Variants in SGCD observed in about 807,000 individuals in gnomAD.
SGCD encodes the protein sarcoglycan delta, also known as delta-sarcoglycan.
SGCD carries 18 observed loss-of-function variants against 36.6 expected under a neutral mutation model. The ratio of observed to expected loss-of-function variants is 0.49; its 90% CI spans 0.34 to 0.73. The LOEUF is 0.73. Among genes scored for constraint, SGCD ranks in the 30% least tolerant of loss-of-function variants. The probability of loss-of-function intolerance (pLI) is 0.01; values close to 1 mark genes in which losing one functional copy is unlikely to be tolerated. For missense variants in SGCD, 387 were observed against 346.7 expected, an observed-to-expected ratio of 1.12 and a Z score of -0.92; for synonymous variants, 133 against 130.6, an observed-to-expected ratio of 1.02 and a Z score of -0.12.
At chr5:156,147,494 A>T (rs77413324) in intron 3 of SGCD, among the ~76,000 whole-genome samples, 5,444 of 152,270 alleles carry the variant, frequency 0.036, 347 homozygotes, top group African/African-American at 0.12. Context: ...CAATAACCAC[A>T]TTTTTAAATT....
At chr5:156,661,519 CT>C (rs1561843588) in intron 7 of SGCD, among the ~76,000 whole-genome samples, 1 of 136,002 alleles carries the variant, frequency 7.4e-6, no homozygotes, top group Non-Finnish European at 1.5e-5. Context: ...GCAACCAACT[CT>C]GCTCTTTGAG....
At chr5:156,737,630 T>G (rs565438560) in intron 7 of SGCD, among the ~76,000 whole-genome samples, 13 of 152,246 alleles carry the variant, frequency 8.5e-5, no homozygotes, top group East Asian at 1.9e-4. Context: ...GGACACAGAA[T>G]ACTCTTGAGG....
In SGCD at chr5:156,611,191, C is replaced by T. The variant is rs375688202; in HGVS notation, c.502+16140C>T. On this transcript the variant is annotated intron_variant, in intron 6 of 8. Transcript: ENST00000337851. ...ATTCAGCCATCTTGGCTCCTCCCCTCGATTATGAATTTACTTCTACAGTGA... is the reference window on the plus strand; with the variant it reads ...ATTCAGCCATCTTGGCTCCTCCCCTTGATTATGAATTTACTTCTACAGTGA... Among the ~76,000 whole-genome samples the T allele has an allele frequency of 2.6e-4, 39 of 152,296 alleles. No homozygotes were observed. In the South Asian group the frequency reaches 4.8e-3, roughly 19 times the overall value.
At chr5:156,100,036 G>C (rs1187060025) in intron 1 of SGCD, among the ~76,000 whole-genome samples, 1 of 151,704 alleles carries the variant, frequency 6.6e-6, no homozygotes, top group Non-Finnish European at 1.5e-5. Flanking sequence ...TCTTCCACTT[G>C]TGTCTAATTT....
chr5:155,771,329 T>C, the SGCD span, among the ~76,000 whole-genome samples: 1 of 152,070 alleles, frequency 6.6e-6, no homozygotes, highest in Admixed American at 6.6e-5. Flanking sequence ...GCTCACTCCA[T>C]GCTCAAACTC....
intron 6 of SGCD, among the ~76,000 whole-genome samples, chr5:156,643,032 T>G (rs576010692): frequency 8.4e-4 from 52 of 62,170 alleles, no homozygotes; most frequent in East Asian, 7.3e-3. Context: ...TTGTTTTTTT[T>G]TTTGTTTGTT....
At chr5:156,186,078 T>A (rs1763752583) in intron 3 of SGCD, among the ~76,000 whole-genome samples, 1 of 149,300 alleles carries the variant, frequency 6.7e-6, no homozygotes. Context: ...AAGACTTTCC[T>A]GGCAAAAAAA....
At chr5:156,516,449 T>C (rs1232866394) in intron 4 of SGCD, among the ~76,000 whole-genome samples, 1 of 151,962 alleles carries the variant, frequency 6.6e-6, no homozygotes. Context: ...GCCTGACTGT[T>C]AAAAGTGAAC....
intron 3 of SGCD, among the ~76,000 whole-genome samples, chr5:156,204,580 G>A (rs1000419525): frequency 2.6e-5 from 4 of 151,946 alleles, no homozygotes; most frequent in East Asian, 3.8e-4. Flanking sequence ...AGGCATATAC[G>A]TGTCAGCGTA....
chr5:155,999,382 C>T (rs1758618728), intron 1 of SGCD, among the ~76,000 whole-genome samples: 1 of 152,198 alleles, frequency 6.6e-6, no homozygotes, highest in Non-Finnish European at 1.5e-5. Context: ...GCCCCTCACC[C>T]CACAGGGACT....
intron 3 of SGCD, among the ~76,000 whole-genome samples, chr5:156,354,494 C>T (rs1267133107): frequency 6.6e-6 from 1 of 152,192 alleles, no homozygotes; most frequent in Non-Finnish European, 1.5e-5. Context: ...AAAGAAATTA[C>T]TGTGCAACTT....
intron 7 of SGCD, among the ~76,000 whole-genome samples, chr5:156,744,302 C>CT (rs1756841220): frequency 6.6e-6 from 1 of 152,234 alleles, no homozygotes; most frequent in Non-Finnish European, 1.5e-5. Flanking sequence ...CTGCCATACT[C>CT]TTTTTGTGCT....
chr5:156,426,496 A>G (rs1026095543), intron 3 of SGCD, among the ~76,000 whole-genome samples: 16 of 151,924 alleles, frequency 1.1e-4, no homozygotes, highest in African/African-American at 3.1e-4. Context: ...GTTTGCAGAT[A>G]TTTTCTCCCA....
intron 3 of SGCD, among the ~76,000 whole-genome samples, chr5:156,148,083 G>A (rs1201553017): frequency 1.3e-5 from 2 of 152,176 alleles, no homozygotes; most frequent in Non-Finnish European, 2.9e-5. Context: ...CCTCCAGTAA[G>A]TGATGTGGTG....
intron 3 of SGCD, among the ~76,000 whole-genome samples, chr5:156,483,185 T>C (rs1250236575): frequency 6.6e-6 from 1 of 152,074 alleles, no homozygotes; most frequent in African/African-American, 2.4e-5. Flanking sequence ...GCTGGATCCA[T>C]TTAGTGTGTT....
At chr5:156,504,057 A>G (rs1312276955) in intron 3 of SGCD, among the ~76,000 whole-genome samples, 1 of 151,990 alleles carries the variant, frequency 6.6e-6, no homozygotes, top group Non-Finnish European at 1.5e-5. Context: ...TGCAAAAATT[A>G]GCCAGGCATA....
chr5:156,068,098 AT>A (rs1170012575), intron 1 of SGCD, among the ~76,000 whole-genome samples: 1 of 149,314 alleles, frequency 6.7e-6, no homozygotes, highest in Non-Finnish European at 1.5e-5. Flanking sequence ...AGAATTTTAT[AT>A]TTTTATTTTT....
intron 2 of SGCD, among the ~76,000 whole-genome samples, 193 bp downstream of exon 2, chr5:156,329,772 C>T (rs1767978701): frequency 6.6e-6 from 1 of 152,104 alleles, no homozygotes; most frequent in Non-Finnish European, 1.5e-5. Context: ...AATCCCAGCA[C>T]TTTGGGAGGC....
intron 6 of SGCD, among the ~76,000 whole-genome samples, chr5:156,605,482 T>C (rs1007873460): frequency 4.6e-5 from 7 of 152,362 alleles, no homozygotes; most frequent in African/African-American, 1.7e-4. Context: ...AAGGCTTTGC[T>C]AGTGTGAATA....
Sources: allele counts gnomAD v4.1 joint callset (sites outside exome capture counted in the v4.1 genomes callset), GRCh38; gene constraint gnomAD v4.1.1; transcripts MANE v1.5; gene names NCBI Gene and HGNC (gene_info 2026-07-23, HGNC 2026-07-21).